Variants in CEP57L1 observed in about 807,000 individuals in gnomAD.
CEP57L1 encodes centrosomal protein 57 like 1, also known as centrosomal protein CEP57L1.
Under a neutral mutation model 61.0 loss-of-function variants are expected in CEP57L1, and 37 were observed. The observed-to-expected ratio is 0.61, with a 90% CI of 0.47 to 0.80. The LOEUF (loss-of-function observed/expected upper bound fraction) is 0.80, where lower values mean the gene tolerates loss of function less well. Ranked by LOEUF, CEP57L1 falls within the 30% of genes least tolerant of loss-of-function variation. The pLI, the probability that CEP57L1 is intolerant of heterozygous loss-of-function variation, is 0.00. For missense variants in CEP57L1, 422 were observed against 524.7 expected, an observed-to-expected ratio of 0.80 and a Z score of 1.91; for synonymous variants, 137 against 162.3, an observed-to-expected ratio of 0.84 and a Z score of 1.19.
rs902176130 is a variant in CEP57L1, at chr6:109,168,816, G to A, written c.*5846G>A. Among the ~76,000 whole-genome samples the A allele has an allele frequency of 1.3e-5, 2 of 151,054 alleles. No individual in the cohort carries two copies. Among genetic ancestry groups the A allele is most frequent in the Admixed American group, 6.6e-5 (1 of 15,164 alleles). On this transcript the variant is annotated 3_prime_UTR_variant, in exon 11 of 11. Coordinates refer to ENST00000517392, the MANE Select transcript of CEP57L1 (RefSeq NM_001271852.3). ...TCACTGTATTGCCCAGGCTGGTCACGAACTCCTGAGCTCAGGCAATCTGCC... is the reference window on the plus strand; with the variant it reads ...TCACTGTATTGCCCAGGCTGGTCACAAACTCCTGAGCTCAGGCAATCTGCC...
intron 1 of CEP57L1, among the ~76,000 whole-genome samples, chr6:109,101,610 CTTTTTCT>C (rs1453314665): frequency 1.2e-4 from 17 of 147,266 alleles, no homozygotes; most frequent in Non-Finnish European, 2.4e-4. Flanking sequence ...AGCTGTTTTT[CTTTTTCT>C]TTTTTCTTTT....
intron 1 of CEP57L1, among the ~76,000 whole-genome samples, chr6:109,137,465 C>G (rs1227422281): frequency 1.3e-5 from 2 of 152,042 alleles, no homozygotes; most frequent in African/African-American, 4.8e-5. Flanking sequence ...CCACACCCAG[C>G]TAATTTTTGT....
rs757476618 is a variant in CEP57L1, at chr6:109,162,731, A to ATT, written c.1162-10_1162-9dup. On this transcript the variant is annotated splice_polypyrimidine_tract_variant and intron_variant, in intron 10 of 10. Coordinates refer to ENST00000517392, the MANE Select transcript of CEP57L1 (RefSeq NM_001271852.3). ...AGTATATTTTTGACTAAAATGTTAGATTTTTTTTTCTCTCCAGGTCTGTAA... is the reference window on the plus strand; with the variant it reads ...AGTATATTTTTGACTAAAATGTTAGATTTTTTTTTTTCTCTCCAGGTCTGTAA... 2.6e-6 allele frequency: 4 copies of ATT among 1,512,406 alleles called. No homozygotes were observed. The highest frequency in any genetic ancestry group is 1.9e-5 in the Admixed American group (1 of 52,454). 93.7% of individuals were successfully genotyped at this position (1,512,406 alleles called of 1,614,324 possible). A position where few individuals can be genotyped will look rare whatever the true frequency, so the allele number is the denominator to read the frequency against.
intron 1 of CEP57L1, among the ~76,000 whole-genome samples, chr6:109,105,528 T>C (rs900359210): frequency 6.6e-6 from 1 of 152,200 alleles, no homozygotes; most frequent in Non-Finnish European, 1.5e-5. Context: ...TTTGTATCAG[T>C]CCCTTTTGTC....
chr6:109,135,723 A>T (rs958992601), intron 1 of CEP57L1, among the ~76,000 whole-genome samples: 1 of 152,210 alleles, frequency 6.6e-6, no homozygotes, highest in Non-Finnish European at 1.5e-5. Flanking sequence ...TACAAGAAAA[A>T]AACAAACAGC....
At chr6:109,136,561 T>TAAA (rs373000667) in intron 1 of CEP57L1, among the ~76,000 whole-genome samples, 12 of 138,156 alleles carry the variant, frequency 8.7e-5, no homozygotes, top group East Asian at 2.1e-4. Context: ...ACTATAAGTA[T>TAAA]AAAAAAAAAA....
At chr6:109,148,785 T>G (rs556617116) in intron 3 of CEP57L1, among the ~76,000 whole-genome samples, 1 of 152,292 alleles carries the variant, frequency 6.6e-6, no homozygotes, top group East Asian at 1.9e-4. Flanking sequence ...CACCTGTTGT[T>G]TCCTGACTTT....
chr6:109,153,981 A>G lies in CEP57L1; in HGVS notation c.579+32A>G, dbSNP rs758268425. Reference sequence around the variant, plus strand: ...TTTCTTTGAAGTGATGACAACAGGAATGAATCTTTAGTGTTAAGCATAATT... The same window carrying G: ...TTTCTTTGAAGTGATGACAACAGGAGTGAATCTTTAGTGTTAAGCATAATT... On this transcript the variant is annotated intron_variant, in intron 5 of 10. Coordinates refer to ENST00000517392, the MANE Select transcript of CEP57L1 (RefSeq NM_001271852.3). The G allele has an allele frequency of 2.4e-5, 27 of 1,114,614 alleles. No homozygotes were observed. The African/African-American group carries it at 4.1e-4, about 17-fold the overall frequency. 69.0% of individuals were successfully genotyped at this position (1,114,614 alleles called of 1,614,324 possible).
intron 1 of CEP57L1, among the ~76,000 whole-genome samples, chr6:109,113,077 A>G (rs183795912): frequency 3.0e-4 from 45 of 152,066 alleles, no homozygotes; most frequent in Admixed American, 2.6e-3. Context: ...TTAATTGTCT[A>G]TCCCGTTGAT....
chr6:109,140,799 T>G (rs1324805092), intron 1 of CEP57L1: 1 of 152,250 alleles, frequency 6.6e-6, no homozygotes, highest in East Asian at 1.9e-4. Context: ...TATTTAATAT[T>G]CACTGATTTC....
chr6:109,126,009 A>T (rs1043049603), intron 1 of CEP57L1, among the ~76,000 whole-genome samples: 2 of 152,152 alleles, frequency 1.3e-5, no homozygotes, highest in African/African-American at 4.8e-5. Context: ...GACAGTATTT[A>T]CTGATTTGCT....
At chr6:109,123,552 A>T (rs78248008) in intron 1 of CEP57L1, among the ~76,000 whole-genome samples, 2,967 of 152,272 alleles carry the variant, frequency 0.019, 92 homozygotes, top group African/African-American at 0.068. Context: ...GCTGTTTTTT[A>T]AAAAATGTTA....
rs760342168 is a variant in CEP57L1, at chr6:109,146,802, T to A, written c.205T>A (p.Leu69Ile). 11 of 1,598,756 alleles carry A rather than the reference T, an allele frequency of 6.9e-6. No homozygotes were observed. In the East Asian group the frequency reaches 2.5e-4, roughly 36 times the overall value. The change falls in exon 3 of 11, where the codon TTA becomes ATA. Residue 69 changes from leucine (L) to isoleucine (I), a missense_variant. Coordinates refer to ENST00000517392, the MANE Select transcript of CEP57L1 (RefSeq NM_001271852.3). ...AACTCTTCAGGAAAAAATTCATCGTTTAGAGCTGGAGAGAACACAAGCTGA... is the reference window on the plus strand; with the variant it reads ...AACTCTTCAGGAAAAAATTCATCGTATAGAGCTGGAGAGAACACAAGCTGA... ...LKTLQEKIHR[L>I]ELERTQAEDN... is the part of the protein sequence containing the mutation.
intron 6 of CEP57L1, 35 bp downstream of exon 6, chr6:109,155,342 C>A: frequency 5.5e-6 from 6 of 1,090,022 alleles, no homozygotes; most frequent in Middle Eastern, 2.1e-4. Flanking sequence ...TCACAGTAAA[C>A]CATATATGTT....
In CEP57L1 at chr6:109,169,226, CAAAAAAAAAAA is replaced by C. The variant is rs202070350; in HGVS notation, c.*6267_*6277del. Among the ~76,000 whole-genome samples, 4 of 67,550 alleles carry C rather than the reference CAAAAAAAAAAA, an allele frequency of 5.9e-5. No homozygotes were observed. The highest frequency in any genetic ancestry group is 1.1e-4 in the Non-Finnish European group (4 of 35,672). 44.3% of individuals were successfully genotyped at this position (67,550 alleles called of 152,430 possible). ...GAGCAGCAGAGTGAGGCTCCATCAGCAAAAAAAAAAAAAAAAAAAAAGATCAGAGTGCATCA... is the reference window on the plus strand; with the variant it reads ...GAGCAGCAGAGTGAGGCTCCATCAGCAAAAAAAAAAGATCAGAGTGCATCA... On this transcript the variant is annotated 3_prime_UTR_variant, in exon 11 of 11. Coordinates refer to ENST00000517392, the MANE Select transcript of CEP57L1 (RefSeq NM_001271852.3).
chr6:109,135,077 T>TG (rs1189904637), intron 1 of CEP57L1, among the ~76,000 whole-genome samples: 6 of 151,960 alleles, frequency 3.9e-5, no homozygotes. Context: ...AAAGTTCATA[T>TG]GGAACCAAAA....
At chr6:109,138,036 G>A (rs1770931044) in intron 1 of CEP57L1, among the ~76,000 whole-genome samples, 1 of 152,214 alleles carries the variant, frequency 6.6e-6, no homozygotes, top group Non-Finnish European at 1.5e-5. Context: ...CCTGAGGCAG[G>A]AGCATGTTTG....
At position 109,174,059 on chromosome 6, in the gene CEP57L1, C is replaced by T. The variant is rs1192690258; in HGVS notation, c.*11089C>T. ...AGGGTGCAGTGAGCCGAGATCATGC[C>T]ATTGCACTCCAGCCTGAGCCATAGA... is the stretch of plus-strand genomic sequence containing the variant. On this transcript the variant is annotated 3_prime_UTR_variant, in exon 11 of 11. Transcript: ENST00000517392. Among the ~76,000 whole-genome samples, 1 of 149,584 alleles carries T rather than the reference C, an allele frequency of 6.7e-6. No individual in the cohort carries two copies. Among genetic ancestry groups the T allele is most frequent in the African/African-American group, 2.5e-5 (1 of 40,064 alleles).
At position 109,160,667 on chromosome 6, in the gene CEP57L1, T is replaced by G. The variant is rs1336493449; in HGVS notation, c.1112T>G (p.Met371Arg). 6.2e-7 allele frequency: 1 copy of G among 1,608,654 alleles called. No individual in the cohort carries two copies. Among genetic ancestry groups the G allele is most frequent in the Non-Finnish European group, 8.5e-7 (1 of 1,178,052 alleles). The change falls in exon 10 of 11, where the codon ATG becomes AGG. Residue 371 changes from methionine to arginine, a missense_variant. Coordinates refer to ENST00000517392, the MANE Select transcript of CEP57L1 (RefSeq NM_001271852.3). ...ECELECLLKK[M>R]EIKGEQISKL... ...GAACTAGAGTGTTTACTCAAGAAAA[T>G]GGAAATTAAAGGAGAACAAATCTCC...
Sources: allele counts gnomAD v4.1 joint callset (sites outside exome capture counted in the v4.1 genomes callset), GRCh38; gene constraint gnomAD v4.1.1; transcripts MANE v1.5; gene names NCBI Gene and HGNC (gene_info 2026-07-23, HGNC 2026-07-21).